Variants in PCDH15 observed in about 807,000 individuals in gnomAD.
The protein encoded by PCDH15 is protocadherin-15.
In PCDH15, 129 loss-of-function variants were observed where a neutral mutation model predicts 178.5. The observed-to-expected ratio is 0.72, with a 90% CI of 0.63 to 0.84. PCDH15 has a LOEUF of 0.84. PCDH15 is among the 40% of genes least tolerant of loss of function. The probability of loss-of-function intolerance (pLI) is 0.00; values close to 1 mark genes in which losing one functional copy is unlikely to be tolerated. For synonymous variants in PCDH15, 800 were observed against 732.0 expected (o/e 1.09, Z -1.50); for missense variants, 2,230 against 2,099.9 (o/e 1.06, Z -1.21).
intron 3 of PCDH15, among the ~76,000 whole-genome samples, chr10:54,835,492 A>G (rs1264870170): frequency 6.6e-6 from 1 of 152,082 alleles, no homozygotes; most frequent in Non-Finnish European, 1.5e-5. Flanking sequence ...AAGTATACAC[A>G]TATTCTCCTA....
chr10:54,697,990 A>AC (rs2095258940), intron 1 of PCDH15, among the ~76,000 whole-genome samples: 2 of 151,386 alleles, frequency 1.3e-5, no homozygotes, highest in Non-Finnish European at 3.0e-5. Context: ...ATCAATACTC[A>AC]TCCTGAGAGT....
intron 15 of PCDH15, among the ~76,000 whole-genome samples, chr10:54,120,913 C>T (rs2095207440): frequency 6.6e-6 from 1 of 152,010 alleles, no homozygotes; most frequent in African/African-American, 2.4e-5. Flanking sequence ...AAATTCTGGA[C>T]TTAAACTCAA....
At chr10:55,175,219 G>A (rs1461366902) in intron 1 of PCDH15, among the ~76,000 whole-genome samples, 1 of 152,160 alleles carries the variant, frequency 6.6e-6, no homozygotes, top group Non-Finnish European at 1.5e-5. Flanking sequence ...AAGCCTCTCA[G>A]TTACTCCAAA....
At chr10:54,681,208 G>A (rs2094892625) in intron 1 of PCDH15, among the ~76,000 whole-genome samples, 1 of 152,272 alleles carries the variant, frequency 6.6e-6, no homozygotes, top group South Asian at 2.1e-4. Context: ...CAGGTTTGGA[G>A]TAGAAATCAA....
chr10:55,132,888 G>A (rs1003923523), intron 2 of PCDH15, among the ~76,000 whole-genome samples: 3 of 152,112 alleles, frequency 2.0e-5, no homozygotes, highest in South Asian at 2.1e-4. Context: ...ATTTAAGGAC[G>A]CTTTAAACTT....
intron 2 of PCDH15, among the ~76,000 whole-genome samples, chr10:55,059,672 A>G (rs1408453638): frequency 6.6e-6 from 1 of 152,172 alleles, no homozygotes; most frequent in Non-Finnish European, 1.5e-5. Context: ...TTTCTTGCTT[A>G]TAATTCTGAT....
intron 3 of PCDH15, among the ~76,000 whole-genome samples, chr10:54,473,344 T>A (rs1297182525): frequency 2.6e-5 from 4 of 152,176 alleles, no homozygotes; most frequent in African/African-American, 9.6e-5. Flanking sequence ...TACTGGATAT[T>A]GTCCTTGATA....
At chr10:55,277,455 T>C (rs1184541570) in intron 1 of PCDH15, among the ~76,000 whole-genome samples, 2 of 152,064 alleles carry the variant, frequency 1.3e-5, no homozygotes, top group Non-Finnish European at 2.9e-5. Context: ...CACACCTTAG[T>C]TCTTGTAAAT....
intron 3 of PCDH15, among the ~76,000 whole-genome samples, chr10:54,500,302 G>A (rs1048556269): frequency 6.6e-6 from 1 of 152,104 alleles, no homozygotes; most frequent in East Asian, 1.9e-4. Context: ...CTTGAAGGGG[G>A]AGGGAGGAGG....
chr10:55,417,174 C>T (rs1191777113), intron 2 of PCDH15, among the ~76,000 whole-genome samples: 1 of 151,834 alleles, frequency 6.6e-6, no homozygotes, highest in African/African-American at 2.4e-5. Context: ...CACATAGCCA[C>T]TCTTTAATTT....
chr10:55,385,791 C>T (rs1277764299), intron 2 of PCDH15, among the ~76,000 whole-genome samples: 1 of 143,742 alleles, frequency 7.0e-6, no homozygotes, highest in Admixed American at 6.9e-5. Flanking sequence ...ATGCATATCT[C>T]TGTATATAGA....
chr10:54,796,476 T>C (rs1382116606), intron 1 of PCDH15, among the ~76,000 whole-genome samples: 1 of 151,816 alleles, frequency 6.6e-6, no homozygotes, highest in African/African-American at 2.4e-5. Flanking sequence ...TTTTGATTAT[T>C]ATTTGTCTTT....
chr10:54,618,191 G>C (rs2093241660), intron 2 of PCDH15, among the ~76,000 whole-genome samples: 2 of 152,056 alleles, frequency 1.3e-5, no homozygotes, highest in South Asian at 4.1e-4. Context: ...TTAAGTACAT[G>C]AGTATTTGAG....
chr10:55,184,733 T>C (rs1447090314), intron 1 of PCDH15, among the ~76,000 whole-genome samples: 1 of 151,986 alleles, frequency 6.6e-6, no homozygotes, highest in African/African-American at 2.4e-5. Context: ...GATATTTTAT[T>C]TAAATCAAAT....
At chr10:53,860,204 T>C (rs1279682296) in intron 27 of PCDH15, among the ~76,000 whole-genome samples, 1 of 152,084 alleles carries the variant, frequency 6.6e-6, no homozygotes, top group Non-Finnish European at 1.5e-5. Flanking sequence ...GTGTGGAAAA[T>C]AATGAAATAA....
chr10:53,815,641 T>C (rs2076033474), intron 35 of PCDH15, among the ~76,000 whole-genome samples: 1 of 152,144 alleles, frequency 6.6e-6, no homozygotes, highest in Non-Finnish European at 1.5e-5. Flanking sequence ...AAGTGGAGCT[T>C]ATGAAATACT....
At chr10:54,942,967 A>T (rs917853923) in intron 2 of PCDH15, among the ~76,000 whole-genome samples, 1 of 151,996 alleles carries the variant, frequency 6.6e-6, no homozygotes, top group Non-Finnish European at 1.5e-5. Context: ...TGACTCTCTA[A>T]GTCACTGCTG....
intron 2 of PCDH15, among the ~76,000 whole-genome samples, chr10:54,540,644 C>T (rs1308175407): frequency 6.6e-6 from 1 of 152,086 alleles, no homozygotes; most frequent in African/African-American, 2.4e-5. Context: ...GAGACTCCTC[C>T]CTAACTCATT....
At chr10:55,237,279 C>CA (rs1841407712) in intron 1 of PCDH15, among the ~76,000 whole-genome samples, 1 of 152,078 alleles carries the variant, frequency 6.6e-6, no homozygotes, top group African/African-American at 2.4e-5. Context: ...GAAGAAAAAA[C>CA]AGCCCCTTCT....
Sources: gnomAD v4.1 joint callset for allele counts (sites outside exome capture counted in the v4.1 genomes callset) on GRCh38, gnomAD v4.1.1 for gene constraint, MANE v1.5 for transcripts, NCBI Gene and HGNC (gene_info 2026-07-23, HGNC 2026-07-21) for gene names.